The following RTF2 variants were observed in gnomAD, a reference collection of about 807,000 sequenced individuals.
The protein encoded by RTF2 is replication termination factor 2, also known as UPF0549 protein C20orf43.
A neutral mutation model predicts 38.0 loss-of-function variants in RTF2; 18 were observed. That is an observed-to-expected ratio of 0.47 (90% confidence interval 0.33 to 0.70). The LOEUF (loss-of-function observed/expected upper bound fraction) is 0.70, where lower values mean the gene tolerates loss of function less well. Among genes scored for constraint, RTF2 ranks in the 30% least tolerant of loss-of-function variants. RTF2 has a pLI of 0.02. For missense variants in RTF2, 311 were observed against 379.6 expected, an observed-to-expected ratio of 0.82 and a Z score of 1.50; for synonymous variants, 126 against 137.1, an observed-to-expected ratio of 0.92 and a Z score of 0.57.
chr20:56,488,972 C>G (rs1982940203), intron 5 of RTF2, among the ~76,000 whole-genome samples: 1 of 152,222 alleles, frequency 6.6e-6, no homozygotes, highest in Non-Finnish European at 1.5e-5. Context: ...GCTGTCCCCA[C>G]TCTCCACTGA....
intron 4 of RTF2, among the ~76,000 whole-genome samples, chr20:56,481,335 T>C (rs565037851): frequency 6.6e-5 from 10 of 152,232 alleles, no homozygotes; most frequent in Non-Finnish European, 1.0e-4. Flanking sequence ...TGCCAGGCCG[T>C]GTTGCGTGTG....
chr20:56,502,653 C>T (rs1265122006), intron 5 of RTF2, among the ~76,000 whole-genome samples: 1 of 152,070 alleles, frequency 6.6e-6, no homozygotes, highest in Non-Finnish European at 1.5e-5. Context: ...TAAAGGTGAA[C>T]CCGAAGTATT....
chr20:56,471,294 C>T (rs1424674504), intron 1 of RTF2, among the ~76,000 whole-genome samples: 1 of 152,136 alleles, frequency 6.6e-6, no homozygotes, highest in Non-Finnish European at 1.5e-5. Flanking sequence ...TCTGGCCAGG[C>T]GCGGTGGCTC....
Position 56,518,343 on chromosome 20 carries a change from C to A in RTF2, c.*78C>A. 7.3e-7 allele frequency: 1 copy of A among 1,369,164 alleles called. No individual in the cohort carries two copies. Among genetic ancestry groups the A allele is most frequent in the Non-Finnish European group, 1.0e-6 (1 of 989,382 alleles). 84.8% of individuals were successfully genotyped at this position (1,369,164 alleles called of 1,614,324 possible). ...GCAGGTCGCTTTGTGCCTCTGAGTG[C>A]GCTGCTGTGTGTTCTCTCTATAGTT... is the stretch of plus-strand genomic sequence containing the variant. On this transcript the variant is annotated 3_prime_UTR_variant, in exon 9 of 9. Transcript: ENST00000357348.
At chr20:56,477,577 C>T (rs1982320599) in intron 4 of RTF2, among the ~76,000 whole-genome samples, 1 of 151,916 alleles carries the variant, frequency 6.6e-6, no homozygotes, top group African/African-American at 2.4e-5. Context: ...GAAATAAGGT[C>T]TCACTTTGTT....
At chr20:56,478,894 G>C (rs912415185) in intron 4 of RTF2, among the ~76,000 whole-genome samples, 1 of 152,180 alleles carries the variant, frequency 6.6e-6, no homozygotes, top group East Asian at 1.9e-4. Context: ...TATCAATTAA[G>C]CTTATGTAAT....
At chr20:56,496,606 G>A in intron 5 of RTF2, 1 of 1,464,250 alleles carries the variant, frequency 6.8e-7, no homozygotes, top group Non-Finnish European at 9.0e-7. Flanking sequence ...GCTGCTGACT[G>A]CACAGGCATC....
At chr20:56,500,801 G>A (rs1983877989) in intron 5 of RTF2, among the ~76,000 whole-genome samples, 1 of 151,954 alleles carries the variant, frequency 6.6e-6, no homozygotes, top group South Asian at 2.1e-4. Flanking sequence ...TTTTTTTTGA[G>A]ACAAGGCCTC....
chr20:56,497,139 A>T, intron 5 of RTF2: 1 of 1,551,638 alleles, frequency 6.4e-7, no homozygotes, highest in South Asian at 1.2e-5. Flanking sequence ...ACAGTTAACC[A>T]AGGTTTGCAC....
intron 8 of RTF2, 53 bp from the exon 9 acceptor site, chr20:56,518,034 T>A: frequency 6.5e-7 from 1 of 1,543,350 alleles, no homozygotes; most frequent in Non-Finnish European, 8.8e-7. Context: ...GGATGCGAAG[T>A]TTAGAATCAT....
At chr20:56,497,347 A>C (rs1983615776) in intron 5 of RTF2, 1 of 1,550,188 alleles carries the variant, frequency 6.5e-7, no homozygotes, top group Admixed American at 2.0e-5. Context: ...ATCCTGGAGC[A>C]GTTTCCTGGT....
intron 4 of RTF2, among the ~76,000 whole-genome samples, chr20:56,481,373 C>T (rs979787086): frequency 1.3e-5 from 2 of 152,170 alleles, no homozygotes; most frequent in South Asian, 2.1e-4. Context: ...AACTAACTGT[C>T]CTGTTCTGAA....
At chr20:56,487,234 T>C (rs1982843380) in intron 5 of RTF2, among the ~76,000 whole-genome samples, 1 of 152,178 alleles carries the variant, frequency 6.6e-6, no homozygotes, top group South Asian at 2.1e-4. Flanking sequence ...ACAGAGAAGC[T>C]GATTCTGTTG....
chr20:56,511,561 C>T (rs939884587), intron 5 of RTF2, among the ~76,000 whole-genome samples: 1 of 152,050 alleles, frequency 6.6e-6, no homozygotes, highest in Non-Finnish European at 1.5e-5. Context: ...TCCTTTTTTA[C>T]ATTTAGGTGT....
At chr20:56,475,860 C>G (rs1982215149) in intron 3 of RTF2, among the ~76,000 whole-genome samples, 1 of 152,014 alleles carries the variant, frequency 6.6e-6, no homozygotes, top group African/African-American at 2.4e-5. Flanking sequence ...GAAATTAGAA[C>G]AGTAAAGAAA....
chr20:56,475,720 G>A (rs955725455), intron 3 of RTF2, among the ~76,000 whole-genome samples: 4 of 151,894 alleles, frequency 2.6e-5, no homozygotes, highest in Admixed American at 2.0e-4. Flanking sequence ...GCCTTGTTGT[G>A]ACATCAGCAC....
At chr20:56,478,813 T>C (rs765384055) in intron 4 of RTF2, among the ~76,000 whole-genome samples, 1 of 152,206 alleles carries the variant, frequency 6.6e-6, no homozygotes, top group Non-Finnish European at 1.5e-5. Context: ...TGATGCTGTT[T>C]AATAGCATTT....
chr20:56,469,836 G>A (rs1296868892), intron 1 of RTF2, among the ~76,000 whole-genome samples: 1 of 152,114 alleles, frequency 6.6e-6, no homozygotes, highest in African/African-American at 2.4e-5. Flanking sequence ...CAGGCCTCTT[G>A]TTCTTCAACC....
chr20:56,504,252 CT>C (rs1440204559), intron 5 of RTF2: 1 of 152,236 alleles, frequency 6.6e-6, no homozygotes, highest in African/African-American at 2.4e-5. Flanking sequence ...TGAAAAGTTG[CT>C]GCTTTTGCTT....
Sources: allele counts gnomAD v4.1 joint callset (sites outside exome capture counted in the v4.1 genomes callset), GRCh38; gene constraint gnomAD v4.1.1; transcripts MANE v1.5; gene names NCBI Gene and HGNC (gene_info 2026-07-23, HGNC 2026-07-21).